Variants in IL22RA2 observed in about 807,000 individuals in gnomAD.
IL22RA2 encodes interleukin 22 receptor subunit alpha 2.
Under a neutral mutation model 30.7 loss-of-function variants are expected in IL22RA2, and 39 were observed. The observed-to-expected ratio is 1.27, with a 90% CI of 0.98 to 1.66. The LOEUF is 1.66. IL22RA2 is among the 40% of genes most tolerant of loss of function. The pLI is 0.00. For synonymous variants in IL22RA2, 103 were observed against 105.0 expected (o/e 0.98, Z 0.11); for missense variants, 315 against 312.7 (o/e 1.01, Z -0.05).
chr6:137,145,547 A>C lies in IL22RA2; in HGVS notation c.*77T>G. On this transcript the variant is annotated 3_prime_UTR_variant, in exon 7 of 7. Transcript: ENST00000296980. ...GAAAATACAAAAACAATTTTAAATA[A>C]GATCCTTCAAACACGAGTCATCCTG... The C allele has an allele frequency of 7.5e-7, 1 of 1,338,082 alleles. No homozygotes were observed. Among genetic ancestry groups the C allele is most frequent in the South Asian group, 1.4e-5 (1 of 69,062 alleles). The allele number at this position is 1,338,082 out of a possible 1,614,324, so 82.9% of individuals were successfully genotyped here.
chr6:137,145,725 G>A lies in IL22RA2; in HGVS notation c.691C>T (p.Leu231=). 3 of 1,613,908 alleles carry A rather than the reference G, an allele frequency of 1.9e-6. No individual in the cohort carries two copies. Among genetic ancestry groups the A allele is most frequent in the Non-Finnish European group, 2.5e-6 (3 of 1,179,890 alleles). ...GAHRAVEIEA[L]TPHSSYCVVA... ...ACACAGTAGCTGGAGTGTGGTGTTA[G>A]AGCTTCAATTTCAACCGCTCTGTGA... is the stretch of plus-strand genomic sequence containing the variant. Residue 231 remains leucine (L), a synonymous_variant, in exon 7 of 7, where the codon CTA becomes TTA. Coordinates refer to ENST00000296980, the MANE Select transcript of IL22RA2 (RefSeq NM_052962.3).
At position 137,145,640 on chromosome 6, in the gene IL22RA2, C is replaced by A; in HGVS notation, c.776G>T (p.Cys259Phe). Reference sequence around the variant, plus strand: ...TTCCACAAGTCATGGAATTTCCACACATCTCTCTTCACTTCTCTGACTTCT... The same window carrying A: ...TTCCACAAGTCATGGAATTTCCACAAATCTCTCTTCACTTCTCTGACTTCT... Reference protein sequence around the residue: ...DRRSQRSEERCVEIP With the variant: ...DRRSQRSEERFVEIP The change falls in exon 7 of 7, where the codon TGT (cysteine) becomes TTT (phenylalanine). Residue 259 changes from cysteine (C) to phenylalanine (F), a missense_variant. Cys to Phe is a radical substitution (Grantham distance 205). Transcript: ENST00000296980. 6.2e-7 allele frequency: 1 copy of A among 1,608,108 alleles called. No homozygotes were observed.
intron 1 of IL22RA2, among the ~76,000 whole-genome samples, chr6:137,170,463 T>C (rs909778021): frequency 1.3e-5 from 2 of 152,158 alleles, no homozygotes; most frequent in African/African-American, 2.4e-5. Flanking sequence ...GCCCAGTGAG[T>C]TCCTGCATGA....
intron 4 of IL22RA2, among the ~76,000 whole-genome samples, chr6:137,155,394 G>A (rs1462216951): frequency 6.6e-6 from 1 of 151,952 alleles, no homozygotes; most frequent in Admixed American, 6.6e-5. Context: ...ATGTCTAAGA[G>A]CCATAAGAGC....
In IL22RA2 at chr6:137,156,806, G is replaced by A; in HGVS notation, c.246C>T (p.Cys82=). 2 of 1,613,852 alleles carry A rather than the reference G, an allele frequency of 1.2e-6. No homozygotes were observed. The highest frequency in any genetic ancestry group is 2.7e-5 in the African/African-American group (2 of 75,042). Residue 82 remains cysteine (C), a synonymous_variant, in exon 4 of 7, where the codon TGC becomes TGT. Transcript: ENST00000296980. ...MKSSHQKPSG[C]WQHISCNFPG... ...GGAAGTTACAAGAAATGTGCTGCCA[G>A]CATCCACTTGGCTTCTGGTGAGAGC...
chr6:137,147,183 C>G (rs1184670532), intron 6 of IL22RA2, among the ~76,000 whole-genome samples: 1 of 82,212 alleles, frequency 1.2e-5, no homozygotes, highest in South Asian at 4.6e-4. Context: ...GACCTTGCCT[C>G]TACAAAAAAA....
intron 2 of IL22RA2, among the ~76,000 whole-genome samples, chr6:137,160,278 A>G (rs1376722424): frequency 2.0e-5 from 3 of 152,266 alleles, no homozygotes; most frequent in Admixed American, 2.0e-4. Context: ...ACCAACAGTA[A>G]TAACACTGCA....
At chr6:137,161,118 T>G (rs929284973) in intron 2 of IL22RA2, among the ~76,000 whole-genome samples, 1 of 152,220 alleles carries the variant, frequency 6.6e-6, no homozygotes, top group Non-Finnish European at 1.5e-5. Flanking sequence ...TTGTTTGTGG[T>G]CCCTATCCTG....
chr6:137,158,615 G>A (rs1778458828), intron 2 of IL22RA2, 133 bp from the exon 3 acceptor site: 2 of 833,500 alleles, frequency 2.4e-6, no homozygotes, highest in Non-Finnish European at 1.9e-6. Context: ...TAGAGGTGGA[G>A]CCCAGAAATC....
intron 5 of IL22RA2, among the ~76,000 whole-genome samples, chr6:137,152,963 T>C (rs372928359): frequency 6.6e-6 from 1 of 152,152 alleles, no homozygotes; most frequent in African/African-American, 2.4e-5. Flanking sequence ...TCATCTTCCA[T>C]CTCGTTGCAG....
chr6:137,172,645 G>A (rs911806657), intron 1 of IL22RA2, among the ~76,000 whole-genome samples: 15 of 152,116 alleles, frequency 9.9e-5, no homozygotes, highest in South Asian at 8.3e-4. Flanking sequence ...GCCCTCCCCC[G>A]ACCTCGGCCC....
In IL22RA2 at chr6:137,145,339, A is replaced by G; in HGVS notation, c.*285T>C. 4.1e-6 allele frequency: 1 copy of G among 246,782 alleles called. No homozygotes were observed. Among genetic ancestry groups the G allele is most frequent in the Non-Finnish European group, 7.7e-6 (1 of 130,474 alleles). The allele number at this position is 246,782 out of a possible 1,614,324, so 15.3% of individuals were successfully genotyped here. ...TATTAGAAGAATGAAGGTTGTTATTAGGGATGTTACATTCAGAAATAAAGT... is the reference window on the plus strand; with the variant it reads ...TATTAGAAGAATGAAGGTTGTTATTGGGGATGTTACATTCAGAAATAAAGT... On this transcript the variant is annotated 3_prime_UTR_variant, in exon 7 of 7. Transcript: ENST00000296980.
chr6:137,145,848 A>T, intron 6 of IL22RA2, 75 bp from the exon 7 acceptor site: 1 of 1,475,110 alleles, frequency 6.8e-7, no homozygotes, highest in Non-Finnish European at 9.4e-7. Flanking sequence ...GTTTAAATTA[A>T]CAAGTTGTAC....
intron 1 of IL22RA2, among the ~76,000 whole-genome samples, chr6:137,166,438 G>A (rs1157365339): frequency 6.6e-6 from 1 of 152,172 alleles, no homozygotes; most frequent in Non-Finnish European, 1.5e-5. Flanking sequence ...GAAGCTGTAT[G>A]GGCTCCAAAA....
At position 137,145,583 on chromosome 6, in the gene IL22RA2, G is replaced by T. The variant is rs1274631291; in HGVS notation, c.*41C>A. Reference sequence around the variant, plus strand: ...ACACGAGTCATCCTGTTCTCAGGGAGCTTTAGAATTTCCACATTGCTGAAT... The same window carrying T: ...ACACGAGTCATCCTGTTCTCAGGGATCTTTAGAATTTCCACATTGCTGAAT... On this transcript the variant is annotated 3_prime_UTR_variant, in exon 7 of 7. Coordinates refer to ENST00000296980, the MANE Select transcript of IL22RA2 (RefSeq NM_052962.3). 4 of 1,568,786 alleles carry T rather than the reference G, an allele frequency of 2.5e-6. No individual in the cohort carries two copies. The South Asian group carries it at 4.8e-5, about 19-fold the overall frequency.
At chr6:137,150,821 A>C (rs1778274560) in intron 5 of IL22RA2, among the ~76,000 whole-genome samples, 1 of 152,180 alleles carries the variant, frequency 6.6e-6, no homozygotes, top group Non-Finnish European at 1.5e-5. Flanking sequence ...CAATGTATCC[A>C]AGAGACAACC....
At chr6:137,154,873 T>C (rs1778366021) in intron 5 of IL22RA2, 68 bp downstream of exon 5, 2 of 1,373,224 alleles carry the variant, frequency 1.5e-6, no homozygotes, top group Non-Finnish European at 1.0e-6. Flanking sequence ...GCCTAGTCAC[T>C]AGCCGTGCTC....
chr6:137,147,714 G>T lies in IL22RA2; in HGVS notation c.642+8C>A. 1 of 1,522,460 alleles carries T rather than the reference G, an allele frequency of 6.6e-7. No homozygotes were observed. The highest frequency in any genetic ancestry group is 1.2e-5 in the South Asian group (1 of 83,736). The allele number at this position is 1,522,460 out of a possible 1,614,324, so 94.3% of individuals were successfully genotyped here. ...AAACTCTAAATATATCTATTCATCT[G>T]AACTTACCTTTTCTAGTGAATTGTT... On this transcript the variant is annotated splice_region_variant and intron_variant, in intron 6 of 6. Coordinates refer to ENST00000296980, the MANE Select transcript of IL22RA2 (RefSeq NM_052962.3).
chr6:137,162,225 C>G (rs758829952), intron 1 of IL22RA2, among the ~76,000 whole-genome samples: 3 of 152,172 alleles, frequency 2.0e-5, no homozygotes, highest in Non-Finnish European at 4.4e-5. Flanking sequence ...TTGCAGCTAT[C>G]GGGGCCCCTG....
Sources: allele counts gnomAD v4.1 joint callset (sites outside exome capture counted in the v4.1 genomes callset), GRCh38; gene constraint gnomAD v4.1.1; transcripts MANE v1.5; gene names NCBI Gene and HGNC (gene_info 2026-07-23, HGNC 2026-07-21).